POMGNT2: variants seen among roughly 807,000 people sequenced by gnomAD.
POMGNT2 encodes the protein protein O-linked mannose N-acetylglucosaminyltransferase 2 (beta 1,4-), also known as protein O-linked-mannose beta-1,4-N-acetylglucosaminyltransferase 2.
Under a neutral mutation model 37.8 loss-of-function variants are expected in POMGNT2, and 32 were observed. The observed-to-expected ratio is 0.85, with a 90% CI of 0.64 to 1.14. The LOEUF is 1.14. POMGNT2 is among the 50% of genes most tolerant of loss of function. The pLI is 0.00. For missense variants in POMGNT2, 705 were observed against 780.6 expected (o/e 0.90, Z 1.15); for synonymous variants, 340 against 336.8 (o/e 1.01, Z -0.10).
chr3:43,087,097 T>C (rs569152086), intron 1 of POMGNT2, among the ~76,000 whole-genome samples: 1 of 152,080 alleles, frequency 6.6e-6, no homozygotes, highest in Non-Finnish European at 1.5e-5. Flanking sequence ...CCAAAACCAT[T>C]AGAAGCAAAA....
In POMGNT2 at chr3:43,081,504, A is replaced by G; in HGVS notation, c.-73T>C. On this transcript the variant is annotated 5_prime_UTR_variant, in exon 2 of 2. An upstream start codon of the reference 5' UTR is lost. Transcript: ENST00000344697. ...ACCACAGGCCAGGCAGGCTTCACCC[A>G]TCCCTATGGGCATCCTGAGAACTGG... 7.8e-7 allele frequency: 1 copy of G among 1,275,578 alleles called. No individual in the cohort carries two copies. The highest frequency in any genetic ancestry group is 1.1e-6 in the Non-Finnish European group (1 of 941,792). 79.0% of individuals were successfully genotyped at this position (1,275,578 alleles called of 1,614,324 possible).
chr3:43,083,349 A>G lies in POMGNT2; in HGVS notation c.-105-1813T>C, dbSNP rs2089871078. On this transcript the variant is annotated intron_variant, in intron 1 of 1. Transcript: ENST00000344697. The stretch of plus-strand genomic sequence containing the variant: ...ATACTGGTCTACTCCAGATGTTCTC[A>G]AGCCTGGCTGATTACTGGAATCCTC... 2.6e-5 allele frequency among the ~76,000 whole-genome samples: 4 copies of G among 152,328 alleles called. No individual in the cohort carries two copies. In the South Asian group the frequency reaches 8.3e-4, roughly 32 times the overall value.
chr3:43,090,256 C>T (rs1013709869), intron 1 of POMGNT2, among the ~76,000 whole-genome samples: 4 of 152,190 alleles, frequency 2.6e-5, no homozygotes, highest in African/African-American at 9.7e-5. Flanking sequence ...CCAGTGGATT[C>T]TATCAACCTT....
chr3:43,096,643 CCAT>C (rs2089981769), intron 1 of POMGNT2, among the ~76,000 whole-genome samples: 1 of 152,178 alleles, frequency 6.6e-6, no homozygotes, highest in African/African-American at 2.4e-5. Context: ...TTCAACACCA[CCAT>C]GTTTATCTGC....
rs1034936858 is a variant in POMGNT2, at chr3:43,080,722, G to A, written c.710C>T (p.Ser237Phe). Reference sequence around the variant, plus strand: ...ATACTGGTACCAGGTAGTGATCTTGGAGAGGCCCACAAAAGCATGGGAGAA... The same window carrying A: ...ATACTGGTACCAGGTAGTGATCTTGAAGAGGCCCACAAAAGCATGGGAGAA... The part of the protein sequence containing the change: ...LCFSHAFVGL[S>F]KITTWYQYGF... The change falls in exon 2 of 2, where the codon TCC (serine) becomes TTC (phenylalanine). Residue 237 changes from serine (S) to phenylalanine (F), a missense_variant. Physicochemically the swap from Ser to Phe is radical, Grantham distance 155 (BLOSUM62 -2). Transcript: ENST00000344697. The A allele has an allele frequency of 6.2e-7, 1 of 1,614,034 alleles. No homozygotes were observed. Among genetic ancestry groups the A allele is most frequent in the East Asian group, 2.2e-5 (1 of 44,892 alleles).
chr3:43,099,018 G>T (rs1315456088), intron 1 of POMGNT2, among the ~76,000 whole-genome samples: 2 of 152,204 alleles, frequency 1.3e-5, no homozygotes, highest in African/African-American at 4.8e-5. Context: ...CTGTGTACCA[G>T]TGTGGTCATA....
At chr3:43,100,830 T>C (rs1296079422) in intron 1 of POMGNT2, among the ~76,000 whole-genome samples, 1 of 152,188 alleles carries the variant, frequency 6.6e-6, no homozygotes, top group Non-Finnish European at 1.5e-5. Flanking sequence ...TTCCTCAATG[T>C]CTGATGTTTT....
At chr3:43,089,988 T>C (rs1296299359) in intron 1 of POMGNT2, among the ~76,000 whole-genome samples, 1 of 151,940 alleles carries the variant, frequency 6.6e-6, no homozygotes, top group East Asian at 1.9e-4. Context: ...AGGCCAGAGG[T>C]CTGTGGCTGC....
chr3:43,081,607 G>A (rs1254229783), intron 1 of POMGNT2, 71 bp from the exon 2 acceptor site: 1 of 626,202 alleles, frequency 1.6e-6, no homozygotes, highest in Non-Finnish European at 2.7e-6. Flanking sequence ...CTCCTGCTAT[G>A]TGCCAGGCAC....
chr3:43,093,450 C>T (rs2125708507), intron 1 of POMGNT2, among the ~76,000 whole-genome samples: 2 of 152,362 alleles, frequency 1.3e-5, no homozygotes, highest in Middle Eastern at 6.8e-3. Context: ...GCAGGACAGA[C>T]TGGCCTGCAT....
rs747275058 is a variant in POMGNT2 at position 43,081,251 on chromosome 3, T to C, written c.181A>G (p.Met61Val). The C allele has an allele frequency of 1.9e-6, 3 of 1,613,862 alleles. No individual in the cohort carries two copies. The highest frequency in any genetic ancestry group is 2.5e-6 in the Non-Finnish European group (3 of 1,180,016). ...CACACCATGTGTGTGCCGCCCTCCA[T>C]CAGGATCTGCAGTGCCTTCGGGTAG... The part of the protein sequence containing the change: ...IDYPKALQIL[M>V]EGGTHMVCTG... Residue 61 changes from methionine to valine, a missense_variant, in exon 2 of 2, where the codon ATG becomes GTG. Physicochemically the swap from Met to Val is conservative, Grantham distance 21. Coordinates refer to ENST00000344697, the MANE Select transcript of POMGNT2 (RefSeq NM_032806.6).
At position 43,081,381 on chromosome 3, in the gene POMGNT2, C is replaced by A. The variant is rs749826105; in HGVS notation, c.51G>T (p.Ala17=). Residue 17 remains alanine, a synonymous_variant, in exon 2 of 2, where the codon GCG becomes GCT. Coordinates refer to ENST00000344697, the MANE Select transcript of POMGNT2 (RefSeq NM_032806.6). ...GCAGCCGCACATGCTTCCACAGGAC[C>A]GCTGCCAGCACCGACACCAGGAGGG... ...FNALLVSVLA[A]VLWKHVRLRE... The A allele has an allele frequency of 6.2e-7, 1 of 1,604,566 alleles. No individual in the cohort carries two copies.
Position 43,080,232 on chromosome 3 carries a change from G to A in POMGNT2, c.1200C>T (p.Asn400=). The A allele has an allele frequency of 6.2e-7, 1 of 1,614,184 alleles. No homozygotes were observed. The highest frequency in any genetic ancestry group is 8.5e-7 in the Non-Finnish European group (1 of 1,180,028). ...YVAWRNMMPE[N]TVTHPERPWD... ...AGGGCCGCTCAGGGTGTGTGACTGT[G>A]TTCTCTGGCATCATGTTCCGCCAGG... Residue 400 remains asparagine (N), a synonymous_variant, in exon 2 of 2, where the codon AAC becomes AAT. Coordinates refer to ENST00000344697, the MANE Select transcript of POMGNT2 (RefSeq NM_032806.6).
At chr3:43,102,557 C>G (rs149117392) in intron 1 of POMGNT2, among the ~76,000 whole-genome samples, 47 of 152,304 alleles carry the variant, frequency 3.1e-4, no homozygotes, top group African/African-American at 1.1e-3. Flanking sequence ...AATGGTCTCA[C>G]CATCTTACTT....
chr3:43,086,846 C>T (rs1310856642), intron 1 of POMGNT2, among the ~76,000 whole-genome samples: 1 of 152,222 alleles, frequency 6.6e-6, no homozygotes, highest in Non-Finnish European at 1.5e-5. Context: ...GTGACTCCCA[C>T]TCAGGCAATC....
At position 43,080,795 on chromosome 3, in the gene POMGNT2, G is replaced by A; in HGVS notation, c.637C>T (p.Gln213Ter). 1 of 1,614,054 alleles carries A rather than the reference G, an allele frequency of 6.2e-7. No homozygotes were observed. The highest frequency in any genetic ancestry group is 1.3e-5 in the African/African-American group (1 of 75,074). Residue 213 changes from glutamine (Q) to a stop codon, truncating the protein, a stop_gained, in exon 2 of 2, where the codon CAG (glutamine) becomes TAG (stop). Transcript: ENST00000344697. LOFTEE classifies it high-confidence loss of function. ...FDLYKLLSPK[Q>*]PLLRAQLKTL... is the part of the protein sequence containing the mutation. ...TTCAGCTGTGCCCGCAGGAGAGGCT[G>A]CTTGGGGCTGAGCAGCTTGTAGAGG...
intron 1 of POMGNT2, among the ~76,000 whole-genome samples, chr3:43,085,977 A>G (rs1218321367): frequency 1.3e-5 from 2 of 152,110 alleles, no homozygotes; most frequent in African/African-American, 4.8e-5. Flanking sequence ...CAGCTGGTTC[A>G]CTCTTTTCTC....
chr3:43,080,146 C>A lies in POMGNT2; in HGVS notation c.1286G>T (p.Arg429Leu), dbSNP rs562988051. ...RAEQARILQSREVPRHLCCRN... is the reference protein window; with the variant it reads ...RAEQARILQSLEVPRHLCCRN... ...GCAACAGAGATGCCGTGGGACCTCA[C>A]GGCTTTGCAGGATACGGGCTTGCTC... The change falls in exon 2 of 2, where the codon CGT (arginine) becomes CTT (leucine). Residue 429 changes from arginine (R) to leucine (L), a missense_variant. Transcript: ENST00000344697. 1 of 1,613,828 alleles carries A rather than the reference C, an allele frequency of 6.2e-7. No individual in the cohort carries two copies. Among genetic ancestry groups the A allele is most frequent in the Admixed American group, 1.7e-5 (1 of 60,008 alleles).
intron 1 of POMGNT2, among the ~76,000 whole-genome samples, chr3:43,101,961 C>G (rs2090022645): frequency 6.6e-6 from 1 of 151,976 alleles, no homozygotes; most frequent in Non-Finnish European, 1.5e-5. Flanking sequence ...GCTAAATGGA[C>G]TAAGGATGGA....
Sources: gnomAD v4.1 joint callset for allele counts (sites outside exome capture counted in the v4.1 genomes callset) on GRCh38, gnomAD v4.1.1 for gene constraint, MANE v1.5 for transcripts, NCBI Gene and HGNC (gene_info 2026-07-23, HGNC 2026-07-21) for gene names.